The following FGFR2 variants were observed in gnomAD, a reference collection of about 807,000 sequenced individuals.
FGFR2 encodes fibroblast growth factor receptor 2.
FGFR2 carries 19 observed loss-of-function variants against 95.9 expected under a neutral mutation model. That is an observed-to-expected ratio of 0.20 (90% CI 0.14 to 0.29). The LOEUF is 0.29. Ranked by LOEUF, FGFR2 falls within the 10% of genes least tolerant of loss-of-function variation. The probability of loss-of-function intolerance (pLI) is 1.00; values close to 1 mark genes in which losing one functional copy is unlikely to be tolerated. For missense variants in FGFR2, 707 were observed against 1,056.9 expected, an observed-to-expected ratio of 0.67 and a Z score of 4.59; for synonymous variants, 392 against 393.3, an observed-to-expected ratio of 1.00 and a Z score of 0.04.
At chr10:121,564,378 C>T (rs1857369708) in intron 4 of FGFR2, 124 bp downstream of exon 4, 25 of 851,378 alleles carry the variant, frequency 2.9e-5, no homozygotes, top group South Asian at 1.4e-4. Flanking sequence ...GTAGACACAG[C>T]GGGGAAAGGC....
At chr10:121,563,813 C>T (rs1857293170) in intron 4 of FGFR2, among the ~76,000 whole-genome samples, 1 of 152,196 alleles carries the variant, frequency 6.6e-6, no homozygotes, top group Non-Finnish European at 1.5e-5. Flanking sequence ...AAGTAAATGG[C>T]CTCTCCCATG....
In FGFR2 at chr10:121,565,567, T is replaced by C. The variant is rs765682593; in HGVS notation, c.247A>G (p.Asn83Asp). ...TACTCCCCAATAAGCACTGTCCTATTGTTGGGCCCCAAGTGCACCCCATCC... is the reference window on the plus strand; with the variant it reads ...TACTCCCCAATAAGCACTGTCCTATCGTTGGGCCCCAAGTGCACCCCATCC... Reference protein sequence around the residue: ...TKDGVHLGPNNRTVLIGEYLQ... With the variant: ...TKDGVHLGPNDRTVLIGEYLQ... Residue 83 changes from asparagine to aspartate, a missense_variant, in exon 3 of 18, where the codon AAT (asparagine) becomes GAT (aspartate). By Grantham distance (23) the Asn-to-Asp change is conservative. Around this residue, in one of 7 missense-constraint regions of FGFR2, gnomAD observed 178 missense variants for 194.1 expected, o/e 0.92. Transcript: ENST00000358487. 2 of 1,614,200 alleles carry C rather than the reference T, an allele frequency of 1.2e-6. No homozygotes were observed. The highest frequency in any genetic ancestry group is 1.1e-5 in the South Asian group (1 of 91,082).
chr10:121,511,579 C>G (rs1192493223), intron 9 of FGFR2, among the ~76,000 whole-genome samples: 1 of 152,196 alleles, frequency 6.6e-6, no homozygotes, highest in Non-Finnish European at 1.5e-5. Flanking sequence ...CACAAAGATG[C>G]CCCTCTCTGG....
rs749647339 is a variant in FGFR2 at position 121,596,940 on chromosome 10, C to G, written c.-151+1022G>C. ...TTTTCAGATGAAAATGAGTCGAGCC[C>G]GGTGGAAGATTTACAGGGATTTGGG... On this transcript the variant is annotated intron_variant, in intron 1 of 17. Coordinates refer to ENST00000358487, the MANE Select transcript of FGFR2 (RefSeq NM_000141.5). Among the ~76,000 whole-genome samples, 4 of 152,058 alleles carry G rather than the reference C, an allele frequency of 2.6e-5. 1 individual carries two copies. The South Asian group carries it at 6.2e-4, about 24-fold the overall frequency.
intron 6 of FGFR2, chr10:121,526,268 C>A: frequency 2.5e-6 from 1 of 398,512 alleles, no homozygotes; most frequent in Non-Finnish European, 4.4e-6. Flanking sequence ...CTAAAGCCTG[C>A]CTAGCTTTTT....
At chr10:121,521,832 A>C (rs1362841955) in intron 6 of FGFR2, among the ~76,000 whole-genome samples, 1 of 152,230 alleles carries the variant, frequency 6.6e-6, no homozygotes, top group African/African-American at 2.4e-5. Context: ...AAAGAACTGC[A>C]ATCAGGATCT....
intron 6 of FGFR2, chr10:121,526,982 A>G: frequency 5.2e-6 from 2 of 381,118 alleles, no homozygotes; most frequent in Non-Finnish European, 9.3e-6. Context: ...TTGGGTAAAA[A>G]TGAAGTGTCC....
chr10:121,509,258 C>T lies in FGFR2; in HGVS notation c.1288-5317G>A, dbSNP rs1165401566. Among the ~76,000 whole-genome samples the T allele has an allele frequency of 2.6e-5, 4 of 151,994 alleles. No homozygotes were observed. In the South Asian group the frequency reaches 6.2e-4, roughly 24 times the overall value. ...CTCTAGTAAACTGTTTTCCCACTCCCGAATCTTGGCAGGCATTTTTTTTTA... is the reference window on the plus strand; with the variant it reads ...CTCTAGTAAACTGTTTTCCCACTCCTGAATCTTGGCAGGCATTTTTTTTTA... On this transcript the variant is annotated intron_variant, in intron 9 of 17. Transcript: ENST00000358487.
In FGFR2 at chr10:121,500,807, C is replaced by T; in HGVS notation, c.1561+19G>A. Reference sequence around the variant, plus strand: ...CTCTCCACCCAGCCCCTCCCCGAGCCTCCCGCCTCCCCGCTCACCTTTCAA... The same window carrying T: ...CTCTCCACCCAGCCCCTCCCCGAGCTTCCCGCCTCCCCGCTCACCTTTCAA... On this transcript the variant is annotated intron_variant, in intron 11 of 17. Coordinates refer to ENST00000358487, the MANE Select transcript of FGFR2 (RefSeq NM_000141.5). The T allele has an allele frequency of 6.2e-7, 1 of 1,613,476 alleles. No individual in the cohort carries two copies. Among genetic ancestry groups the T allele is most frequent in the East Asian group, 2.2e-5 (1 of 44,868 alleles).
rs752752282 is a variant in FGFR2 at position 121,517,472 on chromosome 10, C to G, written c.940-9G>C. ...GTGTTAACACCGGCGGCCTAGAAAA[C>G]AAGGGAAGCAAAAGAAAAGGCTAGA... is the stretch of plus-strand genomic sequence containing the variant. On this transcript the variant is annotated splice_polypyrimidine_tract_variant and intron_variant, in intron 7 of 17. Transcript: ENST00000358487. The surrounding 1 kb of genome is among the most constrained non-coding windows in gnomAD (Gnocchi z 4.7). 1.2e-6 allele frequency: 2 copies of G among 1,613,964 alleles called. No individual in the cohort carries two copies. The highest frequency in any genetic ancestry group is 1.3e-5 in the African/African-American group (1 of 74,890).
At position 121,518,534 on chromosome 10, in the gene FGFR2, T is replaced by C. The variant is rs1850008659; in HGVS notation, c.940-1071A>G. On this transcript the variant is annotated intron_variant, in intron 7 of 17. Transcript: ENST00000358487. This position sits in a 1 kb window ranked among gnomAD's most constrained non-coding sequence, Gnocchi z 4.0. Reference sequence around the variant, plus strand: ...CCATGGCTACTGGCATCATACCAGCTGCATCACCGAAGAAAGATTATTATA... The same window carrying C: ...CCATGGCTACTGGCATCATACCAGCCGCATCACCGAAGAAAGATTATTATA... 1.4e-5 allele frequency: 12 copies of C among 845,418 alleles called. No individual in the cohort carries two copies. The South Asian group carries it at 1.9e-4, about 14-fold the overall frequency. 52.4% of individuals were successfully genotyped at this position (845,418 alleles called of 1,614,324 possible). A position where few individuals can be genotyped will look rare whatever the true frequency, so the allele number is the denominator to read the frequency against.
intron 6 of FGFR2, among the ~76,000 whole-genome samples, chr10:121,534,897 A>C (rs1309037033): frequency 6.6e-6 from 1 of 152,216 alleles, no homozygotes; most frequent in African/African-American, 2.4e-5. Context: ...CTGAAGGGTG[A>C]CCTTTGAGAA....
At chr10:121,508,384 G>T (rs1400526194) in intron 9 of FGFR2, among the ~76,000 whole-genome samples, 1 of 152,162 alleles carries the variant, frequency 6.6e-6, no homozygotes, top group Non-Finnish European at 1.5e-5. Context: ...CAGTAAGAGG[G>T]TCCTAATGAC....
chr10:121,518,942 C>T lies in FGFR2; in HGVS notation c.939+1037G>A, dbSNP rs779874891. The T allele has an allele frequency of 1.4e-5, 18 of 1,332,514 alleles. No individual in the cohort carries two copies. The highest frequency in any genetic ancestry group is 4.8e-5 in the South Asian group (4 of 83,822). 82.5% of individuals were successfully genotyped at this position (1,332,514 alleles called of 1,614,324 possible). A position where few individuals can be genotyped will look rare whatever the true frequency, so the allele number is the denominator to read the frequency against. On this transcript the variant is annotated intron_variant, in intron 7 of 17. Coordinates refer to ENST00000358487, the MANE Select transcript of FGFR2 (RefSeq NM_000141.5). This position sits in a 1 kb window ranked among gnomAD's most constrained non-coding sequence, Gnocchi z 4.0. The stretch of plus-strand genomic sequence containing the variant: ...AACAAACTCCATTACGTCTAAACAG[C>T]GGCATTAAAGGGCTGCGGATTTTAA...
intron 13 of FGFR2, among the ~76,000 whole-genome samples, chr10:121,495,621 C>T (rs926696755): frequency 7.9e-5 from 12 of 152,246 alleles, no homozygotes; most frequent in African/African-American, 2.6e-4. Flanking sequence ...CTGAGTGATC[C>T]GCAGGCCTTG....
rs535841587 is a variant in FGFR2, at chr10:121,532,947, G to A, written c.748+5645C>T. ...GTTGACAGTGCCATGCTGATCTGCC[G>A]CCATCAAGTCAGGGCTGGTAGTGAT... On this transcript the variant is annotated intron_variant, in intron 6 of 17. Transcript: ENST00000358487. 1.8e-3 allele frequency among the ~76,000 whole-genome samples: 278 copies of A among 152,298 alleles called. 3 individuals are homozygous for A. Among genetic ancestry groups the A allele is most frequent in the African/African-American group, 6.6e-3 (274 of 41,568 alleles).
chr10:121,539,350 C>T (rs1243183601), intron 5 of FGFR2, among the ~76,000 whole-genome samples: 1 of 152,134 alleles, frequency 6.6e-6, no homozygotes, highest in East Asian at 1.9e-4. Context: ...CCAAATATGG[C>T]GGCAATGAAT....
At chr10:121,507,492 G>A (rs2912758) in intron 9 of FGFR2, among the ~76,000 whole-genome samples, 126,904 of 152,080 alleles carry the variant, frequency 0.83, 55,967 homozygotes, top group East Asian at 0.98. Flanking sequence ...GGAGGCTGAG[G>A]CAGGAGAATT....
chr10:121,546,937 C>G (rs1332728818), intron 5 of FGFR2, among the ~76,000 whole-genome samples: 2 of 152,168 alleles, frequency 1.3e-5, no homozygotes, highest in African/African-American at 2.4e-5. Context: ...AATAAACTGG[C>G]AAATGGGACG....
Sources: allele counts gnomAD v4.1 joint callset (sites outside exome capture counted in the v4.1 genomes callset), GRCh38; gene constraint gnomAD v4.1.1; regional missense constraint gnomAD v4.1.1; non-coding constraint Gnocchi (gnomAD v3.1); transcripts MANE v1.5; gene names NCBI Gene and HGNC (gene_info 2026-07-23, HGNC 2026-07-21).